Variants in EML6 observed in about 807,000 individuals in gnomAD.
The protein encoded by EML6 is EMAP like 6, also known as echinoderm microtubule-associated protein-like 6.
EML6 carries 154 observed loss-of-function variants against 240.1 expected under a neutral mutation model. That is an observed-to-expected ratio of 0.64 (90% CI 0.56 to 0.73). EML6 has a LOEUF of 0.73. Ranked by LOEUF, EML6 falls within the 30% of genes least tolerant of loss-of-function variation. The pLI is 0.00. For synonymous variants in EML6, 1,148 were observed against 899.0 expected (o/e 1.28, Z -4.95); for missense variants, 2,964 against 2,474.6 (o/e 1.20, Z -4.20).
chr2:54,810,002 A>G (rs1032249511), intron 2 of EML6, among the ~76,000 whole-genome samples: 4 of 152,302 alleles, frequency 2.6e-5, no homozygotes, highest in South Asian at 4.1e-4. Context: ...TGTTCTTGCT[A>G]TTCTTGACAT....
In EML6 at chr2:54,746,050, C is replaced by T. The variant is rs559454903; in HGVS notation, c.197+20792C>T. On this transcript the variant is annotated intron_variant, in intron 2 of 41. Transcript: ENST00000356458. ...CTGTGGAGCTGTGCAAAAAGATGGACCAGGATTGAGACTCAAAAGAGGTTA... is the reference window on the plus strand; with the variant it reads ...CTGTGGAGCTGTGCAAAAAGATGGATCAGGATTGAGACTCAAAAGAGGTTA... Among the ~76,000 whole-genome samples the T allele has an allele frequency of 1.4e-4, 21 of 152,166 alleles. No homozygotes were observed. The South Asian group carries it at 4.1e-3, about 30-fold the overall frequency.
At chr2:54,965,894 G>A (rs1190764659) in intron 38 of EML6, among the ~76,000 whole-genome samples, 1 of 152,228 alleles carries the variant, frequency 6.6e-6, no homozygotes, top group Non-Finnish European at 1.5e-5. Context: ...AGGCAAGAAG[G>A]AGGTCTGCTT....
In EML6 at chr2:54,797,177, A is replaced by AAAAAAAAAAAAAAAAC. The variant is rs1669850770; in HGVS notation, c.198-16043_198-16042insAAACAAAAAAAAAAAA. ...AAGACTCCATCTCAAAAAAAAAAAA[A>AAAAAAAAAAAAAAAAC]AAAAAAAAAAAACTGTGATCTTGTA... On this transcript the variant is annotated intron_variant, in intron 2 of 41. Transcript: ENST00000356458. Among the ~76,000 whole-genome samples the AAAAAAAAAAAAAAAAC allele has an allele frequency of 4.6e-3, 615 of 132,574 alleles. 23 individuals carry two copies. Among genetic ancestry groups the AAAAAAAAAAAAAAAAC allele is most frequent in the Admixed American group, 7.1e-3 (88 of 12,448 alleles). 87.0% of individuals were successfully genotyped at this position (132,574 alleles called of 152,430 possible).
intron 7 of EML6, 31 bp downstream of exon 7, chr2:54,829,508 C>A: frequency 6.6e-7 from 1 of 1,512,428 alleles, no homozygotes; most frequent in South Asian, 1.2e-5. Flanking sequence ...ACCTGTAACT[C>A]TGGATGTGAA....
intron 4 of EML6, among the ~76,000 whole-genome samples, chr2:54,818,078 C>T (rs546010502): frequency 2.0e-5 from 3 of 152,244 alleles, no homozygotes; most frequent in South Asian, 2.1e-4. Flanking sequence ...TTTACTGCTT[C>T]TATTTCTGAG....
chr2:54,760,020 G>A (rs559040052), intron 2 of EML6, among the ~76,000 whole-genome samples: 2 of 151,856 alleles, frequency 1.3e-5, no homozygotes, highest in African/African-American at 2.4e-5. Flanking sequence ...CCGATTCTGG[G>A]CCATTACTCT....
At chr2:54,953,089 T>G (rs763517383) in intron 31 of EML6, among the ~76,000 whole-genome samples, 4 of 152,224 alleles carry the variant, frequency 2.6e-5, no homozygotes, top group Non-Finnish European at 5.9e-5. Context: ...GTGAACTGAT[T>G]CACATTTATG....
At chr2:54,843,938 G>A (rs892544506) in intron 7 of EML6, 109 bp from the exon 8 acceptor site, 5 of 824,552 alleles carry the variant, frequency 6.1e-6, no homozygotes, top group African/African-American at 3.4e-5. Flanking sequence ...ATGGTATCCT[G>A]GTTAAAGGGC....
chr2:54,850,138 C>A lies in EML6; in HGVS notation c.1364C>A (p.Thr455Lys), dbSNP rs571739337. The A allele has an allele frequency of 1.3e-6, 2 of 1,551,650 alleles. No individual in the cohort carries two copies. Among genetic ancestry groups the A allele is most frequent in the East Asian group, 4.9e-5 (2 of 40,918 alleles). ...TGCAGCAAGTCCCTTAGTTTCATCA[C>A]GCATATTGACTGGTCCTTGGATAGT... ...GECSKSLSFI[T>K]HIDWSLDSKY... The change falls in exon 10 of 42, where the codon ACG becomes AAG. Residue 455 changes from threonine to lysine, a missense_variant. Coordinates refer to ENST00000356458, the MANE Select transcript of EML6 (RefSeq NM_001039753.4).
intron 16 of EML6, among the ~76,000 whole-genome samples, chr2:54,872,607 T>C (rs1671314048): frequency 6.6e-6 from 1 of 152,244 alleles, no homozygotes; most frequent in African/African-American, 2.4e-5. Flanking sequence ...TGACTCATTG[T>C]GGAGCCCTTG....
chr2:54,952,114 G>C (rs1676011318), intron 30 of EML6, among the ~76,000 whole-genome samples: 1 of 152,188 alleles, frequency 6.6e-6, no homozygotes, highest in Non-Finnish European at 1.5e-5. Flanking sequence ...CATTTGGTGA[G>C]CAAAGGTGAT....
At chr2:54,843,865 C>T (rs1400711990) in intron 7 of EML6, among the ~76,000 whole-genome samples, 182 bp from the exon 8 acceptor site, 1 of 140,054 alleles carries the variant, frequency 7.1e-6, no homozygotes, top group Non-Finnish European at 1.5e-5. Flanking sequence ...AAAAAAAAAG[C>T]ACAAAGAATG....
chr2:54,806,040 C>T (rs2103998933), intron 2 of EML6, among the ~76,000 whole-genome samples: 1 of 152,074 alleles, frequency 6.6e-6, no homozygotes, highest in African/African-American at 2.4e-5. Flanking sequence ...TGTCTTAATT[C>T]CTTTTAATAA....
rs771846230 is a variant in EML6 at position 54,895,005 on chromosome 2, G to C, written c.2833G>C (p.Ala945Pro). ...GAAGACTTATGCCATTAAAAGATCAGCATTGTCGACTAGCTCAAAAGGTGC... is the reference window on the plus strand; with the variant it reads ...GAAGACTTATGCCATTAAAAGATCACCATTGTCGACTAGCTCAAAAGGTGC... The part of the protein sequence containing the change: ...CLKTYAIKRS[A>P]LSTSSKGLLL... The change falls in exon 20 of 42, where the codon GCA becomes CCA. Residue 945 changes from alanine to proline, a missense_variant. Transcript: ENST00000356458. 4 of 1,551,164 alleles carry C rather than the reference G, an allele frequency of 2.6e-6. No homozygotes were observed. Among genetic ancestry groups the C allele is most frequent in the Middle Eastern group, 3.3e-4 (2 of 5,992 alleles).
chr2:54,857,924 G>C, intron 11 of EML6, among the ~76,000 whole-genome samples: 1 of 152,194 alleles, frequency 6.6e-6, no homozygotes, highest in East Asian at 1.9e-4. Flanking sequence ...GCTTTTGCAG[G>C]TTCTAGTTCC....
At chr2:54,923,094 A>T (rs1674347819) in intron 26 of EML6, among the ~76,000 whole-genome samples, 1 of 151,826 alleles carries the variant, frequency 6.6e-6, no homozygotes, top group Non-Finnish European at 1.5e-5. Flanking sequence ...GGCATGTGGC[A>T]CTATGCCTGG....
At chr2:54,822,880 C>T in intron 5 of EML6, among the ~76,000 whole-genome samples, 1 of 152,066 alleles carries the variant, frequency 6.6e-6, no homozygotes, top group East Asian at 1.9e-4. Context: ...TTCCACTACT[C>T]AAAAGTGTAA....
chr2:54,903,276 T>G, intron 23 of EML6, 80 bp downstream of exon 23: 2 of 1,521,598 alleles, frequency 1.3e-6, no homozygotes, highest in Non-Finnish European at 8.9e-7. Flanking sequence ...TTCAAATGTT[T>G]CTTTGACCAT....
At chr2:54,913,243 CTTTTTT>C (rs201560861) in intron 25 of EML6, among the ~76,000 whole-genome samples, 1 of 144,538 alleles carries the variant, frequency 6.9e-6, no homozygotes, top group Non-Finnish European at 1.5e-5. Flanking sequence ...CTTTTGCCCA[CTTTTTT>C]TTTTTTTAAG....
Sources: allele counts gnomAD v4.1 joint callset (sites outside exome capture counted in the v4.1 genomes callset), GRCh38; gene constraint gnomAD v4.1.1; transcripts MANE v1.5; gene names NCBI Gene and HGNC (gene_info 2026-07-23, HGNC 2026-07-21).